The following ANK2 variants were observed in gnomAD, a reference collection of about 807,000 sequenced individuals.
ANK2 encodes the protein ankyrin 2.
ANK2 carries 83 observed loss-of-function variants against 360.5 expected under a neutral mutation model. The observed-to-expected ratio is 0.23, with a 90% CI of 0.19 to 0.28. The LOEUF (loss-of-function observed/expected upper bound fraction) is 0.28, where lower values mean the gene tolerates loss of function less well. Among genes scored for constraint, ANK2 ranks in the 10% least tolerant of loss-of-function variants. The pLI, the probability that ANK2 is intolerant of heterozygous loss-of-function variation, is 1.00. For missense variants in ANK2, 4,201 were observed against 4,795.7 expected (o/e 0.88, Z 3.66); for synonymous variants, 1,740 against 1,759.5 (o/e 0.99, Z 0.28).
chr4:112,781,827 A>AT, the ANK2 span, among the ~76,000 whole-genome samples: 12,658 of 124,684 alleles, frequency 0.1, 960 homozygotes, highest in Middle Eastern at 0.15. Context: ...TGATAACAGT[A>AT]TTTTTTTTTT....
chr4:113,338,161 T>A lies in ANK2; in HGVS notation c.3797-1065T>A, dbSNP rs566037467. On this transcript the variant is annotated intron_variant, in intron 31 of 45. Transcript: ENST00000357077. ...CTGAGTATGTATTTTAAAGGCCTAC[T>A]AGAATAAACTTCCATAAACTTTCTT... 5.3e-5 allele frequency among the ~76,000 whole-genome samples: 8 copies of A among 152,364 alleles called. 1 individual carries two copies. In the South Asian group the frequency reaches 8.3e-4, roughly 16 times the overall value.
intron 1 of ANK2, among the ~76,000 whole-genome samples, chr4:112,862,134 A>G (rs1396313611): frequency 1.3e-5 from 2 of 152,226 alleles, no homozygotes; most frequent in Non-Finnish European, 2.9e-5. Flanking sequence ...TGTTAAAGAA[A>G]GTATCCAGCA....
At chr4:113,065,584 T>C (rs678035) in intron 1 of ANK2, among the ~76,000 whole-genome samples, 130,485 of 152,240 alleles carry the variant, frequency 0.86, 56,233 homozygotes, top group African/African-American at 0.93. Context: ...GAACTCATGT[T>C]ACTTGATTCC....
At chr4:112,883,321 G>A (rs1334387010) in intron 1 of ANK2, among the ~76,000 whole-genome samples, 12 of 152,018 alleles carry the variant, frequency 7.9e-5, no homozygotes, top group Admixed American at 5.2e-4. Flanking sequence ...TTACAGGCAT[G>A]AGCCACCGCA....
intron 2 of ANK2, among the ~76,000 whole-genome samples, chr4:113,179,371 A>T (rs2098334083): frequency 6.6e-6 from 1 of 152,200 alleles, no homozygotes; most frequent in African/African-American, 2.4e-5. Context: ...GCGTGCTAAG[A>T]TTCCTTAAAC....
At chr4:112,909,305 C>T (rs1200183005) in intron 2 of ANK2, among the ~76,000 whole-genome samples, 3 of 152,122 alleles carry the variant, frequency 2.0e-5, no homozygotes, top group African/African-American at 7.2e-5. Context: ...ATTTAGATAA[C>T]TGAAGCTTGG....
chr4:112,746,541 T>G, the ANK2 span, among the ~76,000 whole-genome samples: 2 of 151,244 alleles, frequency 1.3e-5, no homozygotes, highest in African/African-American at 2.4e-5. Flanking sequence ...AGAAAATGCC[T>G]TTTTGAATAC....
chr4:113,171,330 C>A (rs914961056), intron 1 of ANK2, among the ~76,000 whole-genome samples: 1 of 152,104 alleles, frequency 6.6e-6, no homozygotes, highest in African/African-American at 2.4e-5. Flanking sequence ...CACAGATTGA[C>A]CTCATTGTAG....
chr4:113,310,996 G>T (rs922882548), intron 23 of ANK2, among the ~76,000 whole-genome samples: 1 of 152,124 alleles, frequency 6.6e-6, no homozygotes, highest in Non-Finnish European at 1.5e-5. Flanking sequence ...AACAACAAGG[G>T]ATATCCAAAC....
intron 39 of ANK2, among the ~76,000 whole-genome samples, chr4:113,361,402 TTAA>T (rs1459758647): frequency 2.6e-5 from 4 of 152,106 alleles, no homozygotes; most frequent in African/African-American, 4.8e-5. Flanking sequence ...AAATTTTATG[TTAA>T]TAATTTATTA....
At chr4:112,770,319 A>G in the ANK2 span, among the ~76,000 whole-genome samples, 32 of 152,310 alleles carry the variant, frequency 2.1e-4, no homozygotes, top group African/African-American at 7.0e-4. Flanking sequence ...GCTCCAGGGA[A>G]TGTGGACAGG....
At chr4:112,739,449 A>G in the ANK2 span, among the ~76,000 whole-genome samples, 1 of 152,092 alleles carries the variant, frequency 6.6e-6, no homozygotes, top group Non-Finnish European at 1.5e-5. Context: ...CCTCGTCTCT[A>G]CTAAAAATAC....
intron 1 of ANK2, among the ~76,000 whole-genome samples, chr4:113,065,446 A>T (rs958826300): frequency 2.6e-5 from 4 of 152,182 alleles, no homozygotes; most frequent in African/African-American, 9.7e-5. Context: ...TAGAGCATAA[A>T]CTTTTAGAGC....
rs2057218232 is a variant in ANK2 at position 112,822,067 on chromosome 4, G to A, written c.-40+3803G>A. Among the ~76,000 whole-genome samples the A allele has an allele frequency of 2.0e-5, 3 of 151,810 alleles. No homozygotes were observed. In the South Asian group the frequency reaches 6.2e-4, roughly 31 times the overall value. On this transcript the variant is annotated intron_variant, in intron 1 of 30. Coordinates refer to the ANK2 transcript ENST00000503271. ...ACAGGCATGAGCCACTGCGCCTAAT[G>A]TTCTTTCTTTATACAAACCTATTCA... is the stretch of plus-strand genomic sequence containing the variant.
chr4:112,851,598 C>A (rs540476430), intron 1 of ANK2, among the ~76,000 whole-genome samples: 2 of 151,936 alleles, frequency 1.3e-5, no homozygotes, highest in Non-Finnish European at 2.9e-5. Context: ...GCCATAGAGT[C>A]GAATATTAAA....
At chr4:113,322,152 C>T (rs2086646090) in intron 26 of ANK2, among the ~76,000 whole-genome samples, 1 of 152,030 alleles carries the variant, frequency 6.6e-6, no homozygotes, top group African/African-American at 2.4e-5. Flanking sequence ...TAGAAGACAC[C>T]GTTTCTACCA....
rs1159133537 is a variant in ANK2 at position 113,116,901 on chromosome 4, G to A, written c.85-57515G>A. 1.3e-5 allele frequency: 3 copies of A among 232,178 alleles called. No homozygotes were observed. In the South Asian group the frequency reaches 2.0e-4, roughly 15 times the overall value. The allele number at this position is 232,178 out of a possible 1,614,324, so 14.4% of individuals were successfully genotyped here. ...AAGACTGTTCCAATTGGTGATGTGT[G>A]TCTAAGGATGGCTTTTTCAACTAGT... On this transcript the variant is annotated intron_variant, in intron 1 of 45. Coordinates refer to ENST00000357077, the MANE Select transcript of ANK2 (RefSeq NM_001148.6).
chr4:112,936,455 C>T (rs2093729336), intron 2 of ANK2, among the ~76,000 whole-genome samples: 2 of 152,016 alleles, frequency 1.3e-5, no homozygotes, highest in Non-Finnish European at 2.9e-5. Flanking sequence ...AAGCGATCCT[C>T]CTGCCTCAGC....
At chr4:113,141,542 G>A (rs1382184326) in intron 1 of ANK2, 2 of 152,150 alleles carry the variant, frequency 1.3e-5, no homozygotes, top group Non-Finnish European at 2.9e-5. Flanking sequence ...GCTCAGATTT[G>A]ATAAAGGTTA....
Sources: allele counts gnomAD v4.1 joint callset (sites outside exome capture counted in the v4.1 genomes callset), GRCh38; gene constraint gnomAD v4.1.1; transcripts MANE v1.5; gene names NCBI Gene and HGNC (gene_info 2026-07-23, HGNC 2026-07-21).